TEKTL1: variants seen among roughly 807,000 people sequenced by gnomAD.
TEKTL1 encodes the protein tektin like 1.
chr19:15,013,790 G>A, the TEKTL1 span: 1 of 1,573,574 alleles, frequency 6.4e-7, no homozygotes, highest in Non-Finnish European at 8.7e-7. Context: ...AGGGGTGCCT[G>A]TGGACAAGTT....
chr19:15,021,261 C>G, the TEKTL1 span: 5 of 1,515,410 alleles, frequency 3.3e-6, no homozygotes, highest in Admixed American at 6.0e-5. Flanking sequence ...CCCCCTCGCC[C>G]AGGGCCCACC....
chr19:15,013,494 T>G, the TEKTL1 span, among the ~76,000 whole-genome samples: 5 of 152,206 alleles, frequency 3.3e-5, no homozygotes, highest in African/African-American at 9.6e-5. Flanking sequence ...GAGAGCCCAC[T>G]GAAAAGATCA....
chr19:15,021,787 G>C, the TEKTL1 span: 2 of 1,612,968 alleles, frequency 1.2e-6, no homozygotes, highest in Middle Eastern at 3.3e-4. Context: ...CAATGCGCTT[G>C]CACACCGCAC....
At chr19:15,010,994 A>G in the TEKTL1 span, 5 of 1,591,644 alleles carry the variant, frequency 3.1e-6, no homozygotes, top group Non-Finnish European at 4.3e-6. Flanking sequence ...GCTGGACCCG[A>G]ACGTGGCCCA....
chr19:15,021,645 G>A, the TEKTL1 span: 6 of 1,614,144 alleles, frequency 3.7e-6, no homozygotes, highest in South Asian at 6.6e-5. Context: ...TAGGACTGAT[G>A]AGGGGAACTA....
At chr19:15,020,558 A>C in the TEKTL1 span, 2 of 1,614,072 alleles carry the variant, frequency 1.2e-6, no homozygotes, top group South Asian at 1.1e-5. Context: ...GTTCTGGAGC[A>C]GGCCAGACGC....
At chr19:15,020,012 CAAAA>C in the TEKTL1 span, among the ~76,000 whole-genome samples, 1 of 136,564 alleles carries the variant, frequency 7.3e-6, no homozygotes, top group Non-Finnish European at 1.6e-5. Context: ...TTACCAGTAT[CAAAA>C]AAAAAAAAAA....
At chr19:15,022,363 C>T in the TEKTL1 span, among the ~76,000 whole-genome samples, 1 of 152,092 alleles carries the variant, frequency 6.6e-6, no homozygotes, top group Non-Finnish European at 1.5e-5. Flanking sequence ...GACTCTCGCT[C>T]TGTCGCCCAG....
chr19:15,019,246 G>C, the TEKTL1 span, among the ~76,000 whole-genome samples: 1 of 152,152 alleles, frequency 6.6e-6, no homozygotes, highest in Non-Finnish European at 1.5e-5. Context: ...ACCACACCCA[G>C]CCTGAATGCA....
At chr19:15,013,669 T>C in the TEKTL1 span, 6 of 1,609,580 alleles carry the variant, frequency 3.7e-6, no homozygotes, top group East Asian at 6.7e-5. Context: ...CCTCGTTTTC[T>C]AGGTCCCTGA....
the TEKTL1 span, chr19:15,020,322 A>T: frequency 2.7e-6 from 2 of 731,140 alleles, no homozygotes; most frequent in Non-Finnish European, 2.2e-6. Context: ...AAAAAAAAAA[A>T]TGAGAGTGTC....
At chr19:15,021,854 C>A in the TEKTL1 span, 1 of 1,614,094 alleles carries the variant, frequency 6.2e-7, no homozygotes, top group East Asian at 2.2e-5. Context: ...GCTGGACAGA[C>A]CCCTGGTTCG....
At chr19:15,021,298 G>A in the TEKTL1 span, 6 of 1,596,780 alleles carry the variant, frequency 3.8e-6, no homozygotes, top group East Asian at 1.3e-4. Context: ...GAGAGGGACA[G>A]GGGCTCTGGG....
At chr19:15,021,810 C>T in the TEKTL1 span, 1 of 1,614,064 alleles carries the variant, frequency 6.2e-7, no homozygotes, top group South Asian at 1.1e-5. Context: ...CACCAGGGTC[C>T]TCTGTCGAAA....
the TEKTL1 span, among the ~76,000 whole-genome samples, chr19:15,012,728 A>G: frequency 6.6e-6 from 1 of 151,770 alleles, no homozygotes; most frequent in African/African-American, 2.4e-5. Flanking sequence ...CCCCTGATTC[A>G]GACTCCTTGA....
chr19:15,018,714 A>AT, the TEKTL1 span, among the ~76,000 whole-genome samples: 106 of 99,648 alleles, frequency 1.1e-3, no homozygotes, highest in African/African-American at 3.4e-3. Context: ...CCCTATCTCA[A>AT]AATATGTATA....
chr19:15,022,064 G>A, the TEKTL1 span: 1 of 680,000 alleles, frequency 1.5e-6, no homozygotes, highest in Non-Finnish European at 2.5e-6. Flanking sequence ...GGAGGCGGGG[G>A]CTTCACTGGG....
the TEKTL1 span, chr19:15,020,492 T>C: frequency 7.4e-6 from 12 of 1,613,490 alleles, no homozygotes; most frequent in Non-Finnish European, 9.3e-6. Flanking sequence ...ACTCTGAACT[T>C]CTGCTTCAAG....
chr19:15,021,794 G>C, the TEKTL1 span: 1 of 1,613,112 alleles, frequency 6.2e-7, no homozygotes. Flanking sequence ...CTTGCACACC[G>C]CACCCCACCA....
Sources: allele counts gnomAD v4.1 joint callset (sites outside exome capture counted in the v4.1 genomes callset), GRCh38; gene constraint gnomAD v4.1.1; transcripts MANE v1.5; gene names NCBI Gene and HGNC (gene_info 2026-07-23, HGNC 2026-07-21).